Variants in CCDC88C observed in about 807,000 individuals in gnomAD.
CCDC88C encodes the protein coiled-coil and HOOK domain protein 88C.
CCDC88C carries 131 observed loss-of-function variants against 198.8 expected under a neutral mutation model. The observed-to-expected ratio is 0.66, with a 90% CI of 0.57 to 0.76. The LOEUF is 0.76. CCDC88C is among the 30% of genes least tolerant of loss of function. The pLI is 0.00. For missense variants in CCDC88C, 2,553 were observed against 2,631.6 expected (o/e 0.97, Z 0.65); for synonymous variants, 1,166 against 1,114.7 (o/e 1.05, Z -0.92).
chr14:91,281,589 G>C, intron 26 of CCDC88C, 64 bp from the exon 27 acceptor site: 1 of 1,449,176 alleles, frequency 6.9e-7, no homozygotes, highest in Non-Finnish European at 9.7e-7. Context: ...AGGGAACCCC[G>C]CCACCTCGCC....
intron 3 of CCDC88C, among the ~76,000 whole-genome samples, chr14:91,375,557 C>T (rs183733910): frequency 1.6e-3 from 242 of 152,290 alleles, no homozygotes; most frequent in African/African-American, 5.7e-3. Context: ...CGCACAGACC[C>T]GCCCCGGCAC....
At chr14:91,361,342 C>T (rs547760994) in intron 3 of CCDC88C, among the ~76,000 whole-genome samples, 6 of 152,266 alleles carry the variant, frequency 3.9e-5, no homozygotes, top group African/African-American at 1.4e-4. Context: ...CTAACTAGCA[C>T]TCGAGAAGAA....
chr14:91,313,169 C>T lies in CCDC88C; in HGVS notation c.2647G>A (p.Ala883Thr). 6.2e-7 allele frequency: 1 copy of T among 1,612,098 alleles called. No individual in the cohort carries two copies. Residue 883 changes from alanine to threonine, a missense_variant, in exon 15 of 30, where the codon GCC (alanine) becomes ACC (threonine). This residue lies in a region of CCDC88C where 1,260 missense variants were observed against 1,412.0 expected (regional missense o/e 0.89). Transcript: ENST00000389857. This position sits in a 1 kb window ranked among gnomAD's most constrained non-coding sequence, Gnocchi z 5.2. ...DKELARCRDAAGKLKELEKDN... is the reference protein window; with the variant it reads ...DKELARCRDATGKLKELEKDN... ...TTCTCCAGCTCCTTCAGCTTGCCGG[C>T]TGCGTCCCTGCAGCGGGCCAGCTCC...
intron 22 of CCDC88C, among the ~76,000 whole-genome samples, chr14:91,295,955 A>G (rs1055278527): frequency 6.6e-6 from 1 of 152,230 alleles, no homozygotes; most frequent in Non-Finnish European, 1.5e-5. Flanking sequence ...ATGAGCCCGC[A>G]CAGAGAAAAA....
At chr14:91,365,817 C>CTT (rs964597637) in intron 3 of CCDC88C, among the ~76,000 whole-genome samples, 3 of 152,150 alleles carry the variant, frequency 2.0e-5, no homozygotes, top group Non-Finnish European at 4.4e-5. Context: ...GAACAGCACT[C>CTT]TAACAGTCTT....
Position 91,310,000 on chromosome 14 carries a change from G to A in CCDC88C, c.2737-14C>T, listed in dbSNP as rs1303481248. ...GAGCACCAGGTCCTGGAATGATGGG[G>A]AGAGAGCACTGGATAGGAGCTCAGC... is the stretch of plus-strand genomic sequence containing the variant. On this transcript the variant is annotated splice_polypyrimidine_tract_variant and intron_variant, in intron 15 of 29. Coordinates refer to ENST00000389857, the MANE Select transcript of CCDC88C (RefSeq NM_001080414.4). 6.3e-7 allele frequency: 1 copy of A among 1,582,258 alleles called. No individual in the cohort carries two copies.
At chr14:91,355,524 G>A (rs574859007) in intron 4 of CCDC88C, among the ~76,000 whole-genome samples, 167 of 152,308 alleles carry the variant, frequency 1.1e-3, no homozygotes, top group African/African-American at 4.0e-3. Context: ...CTGAGAGTGA[G>A]CTGCAAAACC....
rs1890334433 is a variant in CCDC88C at position 91,284,731 on chromosome 14, T to C, written c.4442-1214A>G. ...GTGTTTATTCTTATGATTACCTTGT[T>C]TTTATGATGATATGTGTGTTTTCCA... On this transcript the variant is annotated intron_variant, in intron 25 of 29. Transcript: ENST00000389857. This position sits in a 1 kb window ranked among gnomAD's most constrained non-coding sequence, Gnocchi z 4.1. Among the ~76,000 whole-genome samples the C allele has an allele frequency of 6.6e-6, 1 of 152,232 alleles. No individual in the cohort carries two copies. Among genetic ancestry groups the C allele is most frequent in the Non-Finnish European group, 1.5e-5 (1 of 68,048 alleles).
intron 2 of CCDC88C, among the ~76,000 whole-genome samples, chr14:91,415,318 A>G (rs2140024668): frequency 6.6e-6 from 1 of 152,260 alleles, no homozygotes; most frequent in South Asian, 2.1e-4. Flanking sequence ...CTAATCAGAC[A>G]CTGAAGACTG....
chr14:91,367,493 C>T (rs1596119245), intron 3 of CCDC88C, among the ~76,000 whole-genome samples: 2 of 152,170 alleles, frequency 1.3e-5, no homozygotes, highest in South Asian at 2.1e-4. Flanking sequence ...TGCCCAAAGC[C>T]GGGGCATTTT....
intron 17 of CCDC88C, 63 bp downstream of exon 17, chr14:91,308,288 G>C (rs982453735): frequency 1.9e-5 from 31 of 1,594,364 alleles, no homozygotes; most frequent in Non-Finnish European, 2.6e-5. Context: ...TACAGGTGAG[G>C]GGCTGGAAAG....
In CCDC88C at chr14:91,399,941, A is replaced by G. The variant is rs545381716; in HGVS notation, c.270+8718T>C. Reference sequence around the variant, plus strand: ...CCCCATACCCGCAAGAGACGCCCCAACCTTCAGGCTGCTTTATGTCTCCAA... The same window carrying G: ...CCCCATACCCGCAAGAGACGCCCCAGCCTTCAGGCTGCTTTATGTCTCCAA... On this transcript the variant is annotated intron_variant, in intron 3 of 29. Coordinates refer to ENST00000389857, the MANE Select transcript of CCDC88C (RefSeq NM_001080414.4). Among the ~76,000 whole-genome samples the G allele has an allele frequency of 1.5e-3, 229 of 151,396 alleles. 1 individual carries two copies. Among genetic ancestry groups the G allele is most frequent in the African/African-American group, 5.4e-3 (224 of 41,280 alleles).
intron 21 of CCDC88C, among the ~76,000 whole-genome samples, chr14:91,297,927 C>T (rs1220300437): frequency 2.0e-5 from 3 of 152,194 alleles, no homozygotes; most frequent in African/African-American, 7.2e-5. Flanking sequence ...GCTCTTCTTC[C>T]CAATTCCAAG....
intron 3 of CCDC88C, among the ~76,000 whole-genome samples, chr14:91,401,304 TG>T (rs1886183730): frequency 2.8e-5 from 3 of 106,610 alleles, no homozygotes; most frequent in African/African-American, 9.8e-5. Context: ...TATATTATAA[TG>T]TATATATTTA....
chr14:91,285,516 G>A (rs2139732927), intron 25 of CCDC88C: 1 of 595,794 alleles, frequency 1.7e-6, no homozygotes, highest in East Asian at 6.8e-5. Context: ...TTTGAAATCA[G>A]AATCCACGCT....
chr14:91,382,779 C>A (rs532184228), intron 3 of CCDC88C, among the ~76,000 whole-genome samples: 2 of 152,292 alleles, frequency 1.3e-5, no homozygotes, highest in African/African-American at 4.8e-5. Context: ...CACTCCAAAC[C>A]CAGGCTACGC....
intron 3 of CCDC88C, among the ~76,000 whole-genome samples, chr14:91,378,088 G>A (rs577080611): frequency 1.3e-5 from 2 of 152,328 alleles, no homozygotes; most frequent in Non-Finnish European, 2.9e-5. Flanking sequence ...GAGATTACCA[G>A]CTCATTAAAA....
At chr14:91,341,823 TC>T (rs1033156789) in intron 6 of CCDC88C, among the ~76,000 whole-genome samples, 4 of 152,216 alleles carry the variant, frequency 2.6e-5, no homozygotes, top group Admixed American at 2.6e-4. Context: ...CCTCCTCCAC[TC>T]CGCTGACGCT....
At chr14:91,415,081 G>A (rs1886977165) in intron 2 of CCDC88C, among the ~76,000 whole-genome samples, 1 of 152,298 alleles carries the variant, frequency 6.6e-6, no homozygotes, top group East Asian at 1.9e-4. Flanking sequence ...AAAGGCTGGG[G>A]ATACTGCTGG....
Sources: gnomAD v4.1 joint callset for allele counts (sites outside exome capture counted in the v4.1 genomes callset) on GRCh38, gnomAD v4.1.1 for gene constraint, gnomAD v4.1.1 regional missense constraint, Gnocchi (gnomAD v3.1) non-coding constraint, MANE v1.5 for transcripts, NCBI Gene and HGNC (gene_info 2026-07-23, HGNC 2026-07-21) for gene names.